Variants in GNB1 observed in about 807,000 individuals in gnomAD.
GNB1 encodes the protein guanine nucleotide-binding protein G(I)/G(S)/G(T) subunit beta-1.
In GNB1, 2 loss-of-function variants were observed where a neutral mutation model predicts 42.9. That is an observed-to-expected ratio of 0.05 (90% CI 0.02 to 0.15). The LOEUF (loss-of-function observed/expected upper bound fraction) is 0.15, where lower values mean the gene tolerates loss of function less well. Ranked by LOEUF, GNB1 falls within the 10% of genes least tolerant of loss-of-function variation. The pLI is 1.00. For missense variants in GNB1, 193 were observed against 462.2 expected (o/e 0.42, Z 5.34); for synonymous variants, 183 against 174.7 (o/e 1.05, Z -0.38).
chr1:1,840,287 G>T lies in GNB1; in HGVS notation c.-95-1049C>A, dbSNP rs142123856. The stretch of plus-strand genomic sequence containing the variant: ...CTCCTGCCTGTAATCCCAGCACTTT[G>T]GGAGACCAAGTTGGGCGGATCACAA... On this transcript the variant is annotated intron_variant, in intron 1 of 11. Coordinates refer to ENST00000378609, the MANE Select transcript of GNB1 (RefSeq NM_002074.5). 7.0e-3 allele frequency among the ~76,000 whole-genome samples: 1,063 copies of T among 151,222 alleles called. 17 individuals carry two copies. The highest frequency in any genetic ancestry group is 0.024 in the African/African-American group (1,011 of 41,276).
intron 7 of GNB1, among the ~76,000 whole-genome samples, chr1:1,799,982 A>G (rs1216566343): frequency 6.6e-6 from 1 of 152,268 alleles, no homozygotes; most frequent in African/African-American, 2.4e-5. Flanking sequence ...CCAGCGCAGA[A>G]AAGCTGAACA....
At chr1:1,811,433 C>G (rs1646777530) in intron 5 of GNB1, among the ~76,000 whole-genome samples, 2 of 151,786 alleles carry the variant, frequency 1.3e-5, no homozygotes, top group Admixed American at 6.6e-5. Context: ...AGTGGCTCAC[C>G]CCTGTAATCC....
rs1347671906 is a variant in GNB1 at position 1,807,153 on chromosome 1, A to G, written c.204-615T>C. Among the ~76,000 whole-genome samples, 6 of 152,176 alleles carry G rather than the reference A, an allele frequency of 3.9e-5. No homozygotes were observed. The South Asian group carries it at 8.3e-4, about 21-fold the overall frequency. On this transcript the variant is annotated intron_variant, in intron 5 of 11. Transcript: ENST00000378609. ...AGCTGAGACAGGCTGACATCATTTC[A>G]TAAGTGTTTCTGTTTGGTTTCATTA...
At chr1:1,856,063 C>T (rs1286258035) in intron 1 of GNB1, among the ~76,000 whole-genome samples, 1 of 152,230 alleles carries the variant, frequency 6.6e-6, no homozygotes, top group African/African-American at 2.4e-5. Context: ...TGCTCTGTGA[C>T]CCAGGCTAGA....
intron 2 of GNB1, among the ~76,000 whole-genome samples, chr1:1,837,940 C>T (rs1299657462): frequency 3.3e-5 from 5 of 151,948 alleles, no homozygotes; most frequent in South Asian, 2.1e-4. Flanking sequence ...TGGTGGCTCA[C>T]GCCTGTAATC....
At chr1:1,796,618 G>A (rs536096342) in intron 7 of GNB1, among the ~76,000 whole-genome samples, 51 of 152,236 alleles carry the variant, frequency 3.4e-4, no homozygotes, top group Non-Finnish European at 6.3e-4. Flanking sequence ...GTGAAAACAC[G>A]CCCCTCCTCC....
Position 1,790,321 on chromosome 1 carries a change from G to C in GNB1, c.699+74C>G. On this transcript the variant is annotated intron_variant, in intron 9 of 11. Transcript: ENST00000378609. The surrounding 1 kb of genome is among the most constrained non-coding windows in gnomAD (Gnocchi z 5.4). Reference sequence around the variant, plus strand: ...AAAGGAGAACATCTAATCCAGAAAAGTTTAAAATTTAGCAATCTGAACGGC... The same window carrying C: ...AAAGGAGAACATCTAATCCAGAAAACTTTAAAATTTAGCAATCTGAACGGC... 1 of 1,036,768 alleles carries C rather than the reference G, an allele frequency of 9.6e-7. No homozygotes were observed. Among genetic ancestry groups the C allele is most frequent in the Admixed American group, 1.8e-5 (1 of 56,166 alleles). 64.2% of individuals were successfully genotyped at this position (1,036,768 alleles called of 1,614,324 possible). A position where few individuals can be genotyped will look rare whatever the true frequency, so the allele number is the denominator to read the frequency against.
intron 1 of GNB1, among the ~76,000 whole-genome samples, chr1:1,884,367 G>A (rs748877062): frequency 3.3e-5 from 5 of 151,760 alleles, no homozygotes; most frequent in Non-Finnish European, 5.9e-5. Context: ...GTGAGCCACC[G>A]CGTCTGGGCT....
At chr1:1,871,165 C>T (rs1649225711) in intron 1 of GNB1, among the ~76,000 whole-genome samples, 1 of 152,012 alleles carries the variant, frequency 6.6e-6, no homozygotes, top group African/African-American at 2.4e-5. Flanking sequence ...ATTTAAGGAA[C>T]CTTTGGCCAG....
Position 1,787,472 on chromosome 1 carries a change from C to T in GNB1, c.917-35G>A. ...AACAACAGCAGAATCACACCAAAGCCCAGAGGCATCGATCTCACCTGTGTG... is the reference window on the plus strand; with the variant it reads ...AACAACAGCAGAATCACACCAAAGCTCAGAGGCATCGATCTCACCTGTGTG... On this transcript the variant is annotated intron_variant, in intron 10 of 11. Coordinates refer to ENST00000378609, the MANE Select transcript of GNB1 (RefSeq NM_002074.5). This position sits in a 1 kb window ranked among gnomAD's most constrained non-coding sequence, Gnocchi z 4.4. 1 of 1,270,412 alleles carries T rather than the reference C, an allele frequency of 7.9e-7. No homozygotes were observed. Among genetic ancestry groups the T allele is most frequent in the East Asian group, 2.3e-5 (1 of 43,248 alleles). The allele number at this position is 1,270,412 out of a possible 1,614,324, so 78.7% of individuals were successfully genotyped here.
chr1:1,785,340 G>C lies in GNB1; in HGVS notation c.*1723C>G, dbSNP rs980810986. 1 of 152,646 alleles carries C rather than the reference G, an allele frequency of 6.6e-6. No individual in the cohort carries two copies. The highest frequency in any genetic ancestry group is 1.5e-5 in the Non-Finnish European group (1 of 68,062). The allele number at this position is 152,646 out of a possible 1,614,324, so 9.5% of individuals were successfully genotyped here. On this transcript the variant is annotated 3_prime_UTR_variant, in exon 12 of 12. Transcript: ENST00000378609. Reference sequence around the variant, plus strand: ...TTAAATAACAGTACAGTTTAATATAGTATCTATCTTGCATCCAGCTTCCTT... The same window carrying C: ...TTAAATAACAGTACAGTTTAATATACTATCTATCTTGCATCCAGCTTCCTT...
chr1:1,883,278 C>CAAAAAAAAA (rs70937202), intron 1 of GNB1, among the ~76,000 whole-genome samples: 2 of 75,418 alleles, frequency 2.7e-5, no homozygotes, highest in Middle Eastern at 6.1e-3. Context: ...AACCCTGTCC[C>CAAAAAAAAA]AAAAAAAAAA....
At chr1:1,814,159 G>A (rs1646818634) in intron 5 of GNB1, among the ~76,000 whole-genome samples, 1 of 152,088 alleles carries the variant, frequency 6.6e-6, no homozygotes, top group Admixed American at 6.6e-5. Context: ...ATTTGCATGG[G>A]GAATTGTATG....
rs377505716 is a variant in GNB1, at chr1:1,800,133, G to C, written c.430+4286C>G. 7.9e-5 allele frequency among the ~76,000 whole-genome samples: 12 copies of C among 152,306 alleles called. No individual in the cohort carries two copies. In the East Asian group the frequency reaches 1.9e-3, roughly 24 times the overall value. ...ATTTACAATGTCCAGAATACAATTT[G>C]AAATTACTACATGTACTAAAAAAAT... On this transcript the variant is annotated intron_variant, in intron 7 of 11. Coordinates refer to ENST00000378609, the MANE Select transcript of GNB1 (RefSeq NM_002074.5).
chr1:1,852,601 A>G (rs982298130), intron 1 of GNB1, among the ~76,000 whole-genome samples: 6 of 151,878 alleles, frequency 4.0e-5, no homozygotes, highest in African/African-American at 4.8e-5. Context: ...AGGCTAAGAC[A>G]GGAGGACTGG....
intron 1 of GNB1, among the ~76,000 whole-genome samples, chr1:1,875,684 T>C (rs1037821886): frequency 4.6e-5 from 7 of 152,152 alleles, no homozygotes; most frequent in Non-Finnish European, 8.8e-5. Context: ...CCTTTTTCTA[T>C]GTAAATTATC....
intron 7 of GNB1, among the ~76,000 whole-genome samples, chr1:1,797,271 C>A (rs539582946): frequency 6.6e-6 from 1 of 152,264 alleles, no homozygotes; most frequent in Non-Finnish European, 1.5e-5. Context: ...AATTAGTGCA[C>A]CACACCATGA....
At chr1:1,859,322 G>A (rs1266354593) in intron 1 of GNB1, among the ~76,000 whole-genome samples, 1 of 144,738 alleles carries the variant, frequency 6.9e-6, no homozygotes, top group Non-Finnish European at 1.5e-5. Context: ...ACGCCCCGAC[G>A]GGGATTAGTT....
At chr1:1,825,114 C>T in intron 3 of GNB1, 1 of 320,932 alleles carries the variant, frequency 3.1e-6, no homozygotes, top group Non-Finnish European at 5.8e-6. Flanking sequence ...CAGGGTATCA[C>T]AAATTTTCAA....
Sources: gnomAD v4.1 joint callset for allele counts (sites outside exome capture counted in the v4.1 genomes callset) on GRCh38, gnomAD v4.1.1 for gene constraint, Gnocchi (gnomAD v3.1) non-coding constraint, MANE v1.5 for transcripts, NCBI Gene and HGNC (gene_info 2026-07-23, HGNC 2026-07-21) for gene names.